The following FAM184B variants were observed in gnomAD, a reference collection of about 807,000 sequenced individuals.
FAM184B encodes the protein protein FAM184B.
FAM184B carries 111 observed loss-of-function variants against 135.9 expected under a neutral mutation model. The ratio of observed to expected loss-of-function variants is 0.82; its 90% confidence interval spans 0.70 to 0.96. The LOEUF (loss-of-function observed/expected upper bound fraction) is 0.96. Among genes scored for constraint, FAM184B ranks in the 40% least tolerant of loss-of-function variants. The pLI, the probability that FAM184B is intolerant of heterozygous loss-of-function variation, is 0.00. For synonymous variants in FAM184B, 552 were observed against 524.8 expected (o/e 1.05, Z -0.71); for missense variants, 1,375 against 1,323.9 (o/e 1.04, Z -0.60).
At chr4:17,692,183 T>C (rs1577262990) in intron 6 of FAM184B, among the ~76,000 whole-genome samples, 1 of 150,756 alleles carries the variant, frequency 6.6e-6, no homozygotes, top group East Asian at 2.0e-4. Context: ...GAGGAAGAGA[T>C]GGAGGGAGGG....
At chr4:17,640,756 T>C (rs1177164388) in intron 13 of FAM184B, among the ~76,000 whole-genome samples, 2 of 152,128 alleles carry the variant, frequency 1.3e-5, no homozygotes, top group Non-Finnish European at 1.5e-5. Context: ...TTTAAAGAAA[T>C]TGAATTTGTA....
intron 1 of FAM184B, among the ~76,000 whole-genome samples, chr4:17,750,039 T>A (rs1718258603): frequency 6.6e-6 from 1 of 152,210 alleles, no homozygotes; most frequent in Non-Finnish European, 1.5e-5. Context: ...TTATAAATAA[T>A]GGTGTTTAGA....
chr4:17,749,457 A>G (rs1306609961), intron 1 of FAM184B, among the ~76,000 whole-genome samples: 1 of 152,158 alleles, frequency 6.6e-6, no homozygotes, highest in Non-Finnish European at 1.5e-5. Flanking sequence ...CTAGGAAAAA[A>G]TAAAAGAAAA....
chr4:17,731,972 T>G (rs1164558878), intron 1 of FAM184B, among the ~76,000 whole-genome samples: 8 of 151,336 alleles, frequency 5.3e-5, no homozygotes, highest in South Asian at 4.2e-4. Flanking sequence ...GAACAGAAAT[T>G]ATAACAAACT....
At chr4:17,634,964 C>T (rs1206794658) in intron 16 of FAM184B, 45 bp downstream of exon 16, 1 of 1,379,990 alleles carries the variant, frequency 7.2e-7, no homozygotes, top group Non-Finnish European at 1.0e-6. Context: ...AAAAACGAAA[C>T]CAATGGAATT....
chr4:17,696,885 CA>C (rs1716879069), intron 5 of FAM184B, among the ~76,000 whole-genome samples: 1 of 151,910 alleles, frequency 6.6e-6, no homozygotes, highest in African/African-American at 2.4e-5. Context: ...CAGAGTTGGA[CA>C]GGGGAGAGGT....
At chr4:17,754,551 CA>C (rs1718377949) in intron 1 of FAM184B, among the ~76,000 whole-genome samples, 1 of 129,264 alleles carries the variant, frequency 7.7e-6, no homozygotes, top group African/African-American at 3.2e-5. Flanking sequence ...AACTCTGTCT[CA>C]GAAAAAAAAA....
At chr4:17,693,804 C>CAT (rs1716792753) in intron 5 of FAM184B, among the ~76,000 whole-genome samples, 1 of 152,120 alleles carries the variant, frequency 6.6e-6, no homozygotes, top group Non-Finnish European at 1.5e-5. Flanking sequence ...CAACAGCATC[C>CAT]ATACATGAGT....
At chr4:17,706,577 T>C (rs929613000) in intron 3 of FAM184B, among the ~76,000 whole-genome samples, 5 of 152,164 alleles carry the variant, frequency 3.3e-5, no homozygotes, top group Admixed American at 1.3e-4. Flanking sequence ...TATTTTTGGA[T>C]ACAAGCAAGA....
chr4:17,708,555 G>C (rs1468034058), intron 2 of FAM184B, among the ~76,000 whole-genome samples: 1 of 150,528 alleles, frequency 6.6e-6, no homozygotes, highest in African/African-American at 2.5e-5. Flanking sequence ...TGAGGCAGGA[G>C]AATTGCTTGA....
chr4:17,685,191 TG>T (rs1425109097), intron 7 of FAM184B, among the ~76,000 whole-genome samples: 3 of 137,810 alleles, frequency 2.2e-5, no homozygotes, highest in African/African-American at 8.2e-5. Flanking sequence ...ACATGTACCC[TG>T]GAACTTAAAA....
At chr4:17,641,642 C>CTTTTTTTTTTTTTT (rs1560165284) in intron 13 of FAM184B, among the ~76,000 whole-genome samples, 2 of 34,450 alleles carry the variant, frequency 5.8e-5, no homozygotes, top group African/African-American at 1.7e-4. Flanking sequence ...CCACGCCCGG[C>CTTTTTTTTTTTTTT]CTTTTTTTTT....
Position 17,781,375 on chromosome 4 carries a change from C to G in FAM184B, c.-76G>C. On this transcript the variant is annotated 5_prime_UTR_variant, in exon 1 of 18. Transcript: ENST00000265018. The surrounding 1 kb of genome is among the most constrained non-coding windows in gnomAD (Gnocchi z 6.5). ...GTGTGCACGTGCGTGCGCGCGCGGGCGTGCGAGCGTGTGGGTTTCTCGGGA... is the reference window on the plus strand; with the variant it reads ...GTGTGCACGTGCGTGCGCGCGCGGGGGTGCGAGCGTGTGGGTTTCTCGGGA... The G allele has an allele frequency of 7.1e-7, 1 of 1,399,192 alleles. No homozygotes were observed. The highest frequency in any genetic ancestry group is 1.5e-5 in the South Asian group (1 of 65,516). 86.7% of individuals were successfully genotyped at this position (1,399,192 alleles called of 1,614,324 possible).
At chr4:17,708,780 T>A in intron 2 of FAM184B, 112 bp downstream of exon 2, 1 of 1,134,346 alleles carries the variant, frequency 8.8e-7, no homozygotes, top group Non-Finnish European at 1.2e-6. Context: ...ATAATAGGGC[T>A]CACCTCCGTA....
chr4:17,643,991 A>T (rs1715395399), intron 12 of FAM184B, among the ~76,000 whole-genome samples: 1 of 152,212 alleles, frequency 6.6e-6, no homozygotes, highest in Non-Finnish European at 1.5e-5. Context: ...GTGCTCCAGG[A>T]TCTCAGAGCC....
intron 1 of FAM184B, among the ~76,000 whole-genome samples, chr4:17,728,781 C>T (rs924368341): frequency 2.6e-5 from 4 of 152,084 alleles, no homozygotes; most frequent in Non-Finnish European, 4.4e-5. Flanking sequence ...GCCAAGATGG[C>T]CGAATAGGAA....
intron 1 of FAM184B, among the ~76,000 whole-genome samples, chr4:17,710,148 A>G (rs1420250952): frequency 6.6e-6 from 1 of 152,128 alleles, no homozygotes; most frequent in Non-Finnish European, 1.5e-5. Flanking sequence ...CAACATGGCG[A>G]TCTGGTCTCT....
chr4:17,726,244 T>C (rs566086390), intron 1 of FAM184B, among the ~76,000 whole-genome samples: 2 of 152,232 alleles, frequency 1.3e-5, no homozygotes, highest in South Asian at 4.1e-4. Context: ...AACTCTTCTA[T>C]ATACAAAACC....
rs1228360443 is a variant in FAM184B at position 17,631,904 on chromosome 4, G to A, written c.*628C>T. 1.3e-5 allele frequency: 2 copies of A among 152,142 alleles called. No individual in the cohort carries two copies. The highest frequency in any genetic ancestry group is 4.8e-5 in the African/African-American group (2 of 41,430). The allele number at this position is 152,142 out of a possible 1,614,324, so 9.4% of individuals were successfully genotyped here. A position where few individuals can be genotyped will look rare whatever the true frequency, so the allele number is the denominator to read the frequency against. ...GACAAGTACAACCACTTTTGAAATA[G>A]ATCATGGAAATCACAAAGTCTGATG... On this transcript the variant is annotated 3_prime_UTR_variant, in exon 18 of 18. Coordinates refer to ENST00000265018, the MANE Select transcript of FAM184B (RefSeq NM_015688.2).
Sources: allele counts gnomAD v4.1 joint callset (sites outside exome capture counted in the v4.1 genomes callset), GRCh38; gene constraint gnomAD v4.1.1; non-coding constraint Gnocchi (gnomAD v3.1); transcripts MANE v1.5; gene names NCBI Gene and HGNC (gene_info 2026-07-23, HGNC 2026-07-21).